SLC6A17: variants seen among roughly 807,000 people sequenced by gnomAD.
The protein encoded by SLC6A17 is sodium-dependent neutral amino acid transporter SLC6A17.
SLC6A17 carries 21 observed loss-of-function variants against 64.5 expected under a neutral mutation model. That is an observed-to-expected ratio of 0.33 (90% CI 0.23 to 0.47). The LOEUF is 0.47. Ranked by LOEUF, SLC6A17 falls within the 20% of genes least tolerant of loss-of-function variation. The pLI is 1.00. For synonymous variants in SLC6A17, 372 were observed against 399.5 expected (o/e 0.93, Z 0.82); for missense variants, 682 against 963.2 (o/e 0.71, Z 3.86).
At chr1:110,161,555 G>A (rs1375608997) in intron 1 of SLC6A17, among the ~76,000 whole-genome samples, 2 of 152,146 alleles carry the variant, frequency 1.3e-5, no homozygotes, top group South Asian at 2.1e-4. Flanking sequence ...GCACTGTGGT[G>A]TCTGTGGTCG....
At chr1:110,162,723 C>T (rs1057015839) in intron 1 of SLC6A17, among the ~76,000 whole-genome samples, 2 of 152,172 alleles carry the variant, frequency 1.3e-5, no homozygotes, top group Non-Finnish European at 2.9e-5. Context: ...GGGGGTGGAG[C>T]AGGGAGGGTT....
At position 110,174,976 on chromosome 1, in the gene SLC6A17, G is replaced by A. The variant is rs1433278991; in HGVS notation, c.753+16G>A. Reference sequence around the variant, plus strand: ...CTCGGGGAAGGTGAGTGCTGAGGGGGGCACCCAGGACCCAAATGGGGAACA... The same window carrying A: ...CTCGGGGAAGGTGAGTGCTGAGGGGAGCACCCAGGACCCAAATGGGGAACA... On this transcript the variant is annotated intron_variant, in intron 5 of 11. Transcript: ENST00000331565. The A allele has an allele frequency of 1.2e-6, 2 of 1,608,646 alleles. No homozygotes were observed. The highest frequency in any genetic ancestry group is 1.1e-5 in the South Asian group (1 of 90,426).
chr1:110,150,926 C>T (rs1655581734), intron 1 of SLC6A17, 43 bp downstream of exon 1: 1 of 152,236 alleles, frequency 6.6e-6, no homozygotes, highest in Non-Finnish European at 1.5e-5. Flanking sequence ...CCGGGCCGGC[C>T]ACTGCAACTT....
At chr1:110,183,380 C>T (rs1034149449) in intron 6 of SLC6A17, among the ~76,000 whole-genome samples, 1 of 152,124 alleles carries the variant, frequency 6.6e-6, no homozygotes, top group African/African-American at 2.4e-5. Context: ...AGACCACACA[C>T]GGTATGAGTC....
At chr1:110,173,898 GGGCCTCGGGT>G in intron 3 of SLC6A17, 65 bp from the exon 4 acceptor site, 3 of 1,529,238 alleles carry the variant, frequency 2.0e-6, no homozygotes, top group East Asian at 2.4e-5. Flanking sequence ...CCGACGTGCT[GGGCCTCGGGT>G]GGAGCGTGGG....
intron 1 of SLC6A17, among the ~76,000 whole-genome samples, chr1:110,154,610 C>A (rs1655706206): frequency 1.3e-5 from 2 of 152,194 alleles, no homozygotes; most frequent in African/African-American, 2.4e-5. Flanking sequence ...CCTTTCCCTG[C>A]CCTTCTCTTC....
rs778682488 is a variant in SLC6A17, at chr1:110,198,350, C to T, written c.2090C>T (p.Pro697Leu). The change falls in exon 12 of 12, where the codon CCC becomes CTC. Residue 697 changes from proline to leucine, a missense_variant. Pro to Leu is a moderately conservative substitution (Grantham distance 98). Around this residue, in one of 3 missense-constraint regions of SLC6A17, gnomAD observed 264 missense variants for 339.5 expected, o/e 0.78. Coordinates refer to ENST00000331565, the MANE Select transcript of SLC6A17 (RefSeq NM_001010898.4). ...CCCACTCACCGTTCCTATCTGGGGC[C>T]CGGCAGCACATCACCCCTGGAGACC... ...PMPTHRSYLG[P>L]GSTSPLETSG... 6.2e-7 allele frequency: 1 copy of T among 1,614,166 alleles called. No homozygotes were observed. The highest frequency in any genetic ancestry group is 8.5e-7 in the Non-Finnish European group (1 of 1,180,014).
At chr1:110,155,375 A>G (rs1655728806) in intron 1 of SLC6A17, among the ~76,000 whole-genome samples, 1 of 152,250 alleles carries the variant, frequency 6.6e-6, no homozygotes, top group African/African-American at 2.4e-5. Context: ...GAAAATTCAC[A>G]TGTAAGAACA....
chr1:110,192,321 A>C lies in SLC6A17; in HGVS notation c.1106+108A>C. On this transcript the variant is annotated intron_variant, in intron 7 of 11. Coordinates refer to ENST00000331565, the MANE Select transcript of SLC6A17 (RefSeq NM_001010898.4). The surrounding 1 kb of genome is among the most constrained non-coding windows in gnomAD (Gnocchi z 4.3). The stretch of plus-strand genomic sequence containing the variant: ...ATGGGGAGAGAGGTCCCCTCCACTC[A>C]GACTGAGGAATGGAGATCAGAGGAG... 6.6e-7 allele frequency: 1 copy of C among 1,507,896 alleles called. No individual in the cohort carries two copies. The highest frequency in any genetic ancestry group is 9.0e-7 in the Non-Finnish European group (1 of 1,113,616). 93.4% of individuals were successfully genotyped at this position (1,507,896 alleles called of 1,614,324 possible).
chr1:110,171,738 C>T (rs570499739), intron 2 of SLC6A17, among the ~76,000 whole-genome samples: 2 of 152,206 alleles, frequency 1.3e-5, no homozygotes, highest in South Asian at 2.1e-4. Flanking sequence ...GTGTCTGCTG[C>T]GTGTGGCTTG....
At chr1:110,178,157 C>G (rs193041196) in intron 6 of SLC6A17, 1 of 152,188 alleles carries the variant, frequency 6.6e-6, no homozygotes, top group African/African-American at 2.4e-5. Flanking sequence ...TTTCTAGAAC[C>G]ATGATCAGTC....
At chr1:110,157,892 A>C (rs925591775) in intron 1 of SLC6A17, among the ~76,000 whole-genome samples, 3 of 152,066 alleles carry the variant, frequency 2.0e-5, no homozygotes, top group African/African-American at 7.2e-5. Context: ...GGACATCCAC[A>C]TGGCCCACTC....
In SLC6A17 at chr1:110,195,573, C is replaced by G. The variant is rs540699412; in HGVS notation, c.1493-13C>G. On this transcript the variant is annotated splice_polypyrimidine_tract_variant and intron_variant, in intron 9 of 11. Transcript: ENST00000331565. Reference sequence around the variant, plus strand: ...CACCTTTGCCCCCAAACCGGCCTCCCGGCTCTCTGTAGTGGGCTGCTGTGT... The same window carrying G: ...CACCTTTGCCCCCAAACCGGCCTCCGGGCTCTCTGTAGTGGGCTGCTGTGT... 8 of 1,613,582 alleles carry G rather than the reference C, an allele frequency of 5.0e-6. No homozygotes were observed. The highest frequency in any genetic ancestry group is 6.8e-6 in the Non-Finnish European group (8 of 1,179,846).
At chr1:110,157,774 G>T (rs1655796029) in intron 1 of SLC6A17, among the ~76,000 whole-genome samples, 1 of 151,922 alleles carries the variant, frequency 6.6e-6, no homozygotes, top group Non-Finnish European at 1.5e-5. Flanking sequence ...ATTGTTCAGG[G>T]TGCTCTAGGC....
intron 1 of SLC6A17, among the ~76,000 whole-genome samples, chr1:110,158,819 C>T (rs1160961905): frequency 6.6e-6 from 1 of 152,172 alleles, no homozygotes; most frequent in Non-Finnish European, 1.5e-5. Context: ...TCATCAATTC[C>T]AAAATGTGTA....
At chr1:110,176,815 T>C in intron 6 of SLC6A17, 76 bp downstream of exon 6, 1 of 1,248,926 alleles carries the variant, frequency 8.0e-7, no homozygotes, top group Non-Finnish European at 1.2e-6. Flanking sequence ...TGCAATTTCA[T>C]GGAATTTAAT....
In SLC6A17 at chr1:110,192,841, G is replaced by A. The variant is rs1171164191; in HGVS notation, c.1299+143G>A. On this transcript the variant is annotated intron_variant, in intron 8 of 11. Coordinates refer to ENST00000331565, the MANE Select transcript of SLC6A17 (RefSeq NM_001010898.4). The surrounding 1 kb of genome is among the most constrained non-coding windows in gnomAD (Gnocchi z 4.3). Reference sequence around the variant, plus strand: ...AGCAAGGATCTGCTGTGTGTCCAGAGGGAGTGAAAGGGAAGAAAGGTATTG... The same window carrying A: ...AGCAAGGATCTGCTGTGTGTCCAGAAGGAGTGAAAGGGAAGAAAGGTATTG... The A allele has an allele frequency of 4.1e-6, 4 of 985,840 alleles. No homozygotes were observed. The highest frequency in any genetic ancestry group is 3.3e-5 in the African/African-American group (2 of 60,802). 61.1% of individuals were successfully genotyped at this position (985,840 alleles called of 1,614,324 possible).
In SLC6A17 at chr1:110,166,879, C is replaced by A; in HGVS notation, c.-51C>A. On this transcript the variant is annotated 5_prime_UTR_variant, in exon 2 of 12. Coordinates refer to ENST00000331565, the MANE Select transcript of SLC6A17 (RefSeq NM_001010898.4). ...AGAAGGAGCTGACAGCAGCTGAATT[C>A]CATCTTCTCTGTGTGCTGGGGAGCA... The A allele has an allele frequency of 6.5e-7, 1 of 1,543,714 alleles. No homozygotes were observed. Among genetic ancestry groups the A allele is most frequent in the South Asian group, 1.3e-5 (1 of 78,866 alleles).
At chr1:110,173,894 TGCTGGGCCTCGGG>T in intron 3 of SLC6A17, 66 bp from the exon 4 acceptor site, 1 of 1,508,854 alleles carries the variant, frequency 6.6e-7, no homozygotes, top group Non-Finnish European at 8.9e-7. Flanking sequence ...GCTGCCGACG[TGCTGGGCCTCGGG>T]TGGAGCGTGG....
Sources: allele counts gnomAD v4.1 joint callset (sites outside exome capture counted in the v4.1 genomes callset), GRCh38; gene constraint gnomAD v4.1.1; regional missense constraint gnomAD v4.1.1; non-coding constraint Gnocchi (gnomAD v3.1); transcripts MANE v1.5; gene names NCBI Gene and HGNC (gene_info 2026-07-23, HGNC 2026-07-21).